CRYBG1: variants seen among roughly 807,000 people sequenced by gnomAD.
The protein encoded by CRYBG1 is beta/gamma crystallin domain-containing protein 1.
CRYBG1 carries 139 observed loss-of-function variants against 189.2 expected under a neutral mutation model. The ratio of observed to expected loss-of-function variants is 0.73; its 90% confidence interval spans 0.64 to 0.85. The LOEUF is 0.85. Ranked by LOEUF, CRYBG1 falls within the 40% of genes least tolerant of loss-of-function variation. CRYBG1 has a pLI of 0.00. For synonymous variants in CRYBG1, 1,023 were observed against 1,017.1 expected (o/e 1.01, Z -0.11); for missense variants, 2,611 against 2,675.8 (o/e 0.98, Z 0.53).
Position 106,519,162 on chromosome 6 carries a change from C to T in CRYBG1, c.1954C>T (p.Leu652Phe). ...CAAGCCCAAACATGTGGAACTAAAT[C>T]TTAAAACCCCTAAGAATCTTGACAG... ...PAKPKHVELN[L>F]KTPKNLDSLG... Residue 652 changes from leucine (L) to phenylalanine (F), a missense_variant, in exon 4 of 22, where the codon CTT (leucine) becomes TTT (phenylalanine). By Grantham distance (22) the Leu-to-Phe change is conservative (BLOSUM62 0). Coordinates refer to ENST00000633556, the MANE Select transcript of CRYBG1 (RefSeq NM_001371242.2). 6.2e-7 allele frequency: 1 copy of T among 1,613,948 alleles called. No homozygotes were observed. The highest frequency in any genetic ancestry group is 8.5e-7 in the Non-Finnish European group (1 of 1,179,974).
chr6:106,514,462 A>G (rs925579710), intron 3 of CRYBG1, among the ~76,000 whole-genome samples: 10 of 152,200 alleles, frequency 6.6e-5, no homozygotes, highest in African/African-American at 2.4e-4. Flanking sequence ...TGCGTAATGA[A>G]TAACTTGACT....
At chr6:106,526,455 CTTGAAAG>C (rs966847677) in intron 6 of CRYBG1, among the ~76,000 whole-genome samples, 41 of 152,076 alleles carry the variant, frequency 2.7e-4, no homozygotes, top group African/African-American at 9.4e-4. Context: ...GCTTCTTTTT[CTTGAAAG>C]CATAAGCATT....
intron 2 of CRYBG1, among the ~76,000 whole-genome samples, chr6:106,476,854 T>G (rs1772344325): frequency 6.6e-6 from 1 of 152,242 alleles, no homozygotes; most frequent in Non-Finnish European, 1.5e-5. Context: ...TAAAGTCATA[T>G]CTGCTCAGGT....
At chr6:106,541,679 C>A in intron 10 of CRYBG1, 58 bp downstream of exon 10, 1 of 1,121,512 alleles carries the variant, frequency 8.9e-7, no homozygotes, top group Non-Finnish European at 1.3e-6. Context: ...AACATATACA[C>A]ATATATATGT....
chr6:106,512,910 G>A lies in CRYBG1; in HGVS notation c.1793G>A (p.Arg598Gln), dbSNP rs879376875. The A allele has an allele frequency of 1.1e-5, 17 of 1,605,720 alleles. No homozygotes were observed. The highest frequency in any genetic ancestry group is 1.4e-5 in the Non-Finnish European group (16 of 1,176,430). ...RGPLPNHFNG[R>Q]AEGGRSRELG... The stretch of plus-strand genomic sequence containing the variant: ...CCGCTCCCCAACCACTTCAACGGCC[G>A]GGCAGAGGGAGGTCGAAGCAGAGAG... The change falls in exon 3 of 22, where the codon CGG becomes CAG. Residue 598 changes from arginine to glutamine, a missense_variant. Transcript: ENST00000633556.
At chr6:106,377,198 C>G (rs1770183387) in intron 1 of CRYBG1, among the ~76,000 whole-genome samples, 1 of 152,160 alleles carries the variant, frequency 6.6e-6, no homozygotes, top group Non-Finnish European at 1.5e-5. Flanking sequence ...GTTTGCCTAT[C>G]CATACATACA....
At chr6:106,531,084 C>T (rs1355822567) in intron 8 of CRYBG1, among the ~76,000 whole-genome samples, 1 of 152,132 alleles carries the variant, frequency 6.6e-6, no homozygotes, top group Non-Finnish European at 1.5e-5. Context: ...ATGGTTTATA[C>T]AGTCAAAAAA....
intron 1 of CRYBG1, among the ~76,000 whole-genome samples, chr6:106,433,041 A>G (rs1198513444): frequency 6.6e-6 from 1 of 151,796 alleles, no homozygotes; most frequent in East Asian, 1.9e-4. Context: ...GGGTTTCACG[A>G]TGTTAGTCAG....
intron 1 of CRYBG1, among the ~76,000 whole-genome samples, chr6:106,399,657 T>C (rs1198626468): frequency 8.2e-5 from 7 of 85,018 alleles, no homozygotes; most frequent in Admixed American, 6.5e-4. Context: ...AGTTTTTCTT[T>C]CTTTTTTTTT....
At chr6:106,543,922 C>T (rs1350903867) in intron 11 of CRYBG1, among the ~76,000 whole-genome samples, 2 of 152,326 alleles carry the variant, frequency 1.3e-5, no homozygotes, top group East Asian at 1.9e-4. Context: ...CGTGGTGTCA[C>T]ATGCCTGTGA....
chr6:106,505,383 C>T (rs527538737), intron 2 of CRYBG1, among the ~76,000 whole-genome samples: 3 of 152,186 alleles, frequency 2.0e-5, no homozygotes, highest in African/African-American at 7.2e-5. Flanking sequence ...CATGAGCCAC[C>T]GCACCCGGCC....
chr6:106,481,584 C>G (rs1040335855), intron 2 of CRYBG1, among the ~76,000 whole-genome samples: 4 of 152,194 alleles, frequency 2.6e-5, no homozygotes, highest in Non-Finnish European at 5.9e-5. Context: ...TCCCTCTCCA[C>G]CCTTCTGCAT....
At chr6:106,418,683 AAGCATTGT>A (rs1281963494) in intron 1 of CRYBG1, among the ~76,000 whole-genome samples, 3 of 152,222 alleles carry the variant, frequency 2.0e-5, no homozygotes, top group Non-Finnish European at 4.4e-5. Flanking sequence ...TGTATAGAGT[AAGCATTGT>A]ACCATTGAAG....
At chr6:106,522,554 GGT>G (rs1773634216) in intron 4 of CRYBG1, among the ~76,000 whole-genome samples, 1 of 152,150 alleles carries the variant, frequency 6.6e-6, no homozygotes, top group Non-Finnish European at 1.5e-5. Context: ...GCTTATTTAA[GGT>G]GAGAAAGGAC....
At chr6:106,464,591 T>C (rs1011614551) in intron 2 of CRYBG1, among the ~76,000 whole-genome samples, 7 of 152,094 alleles carry the variant, frequency 4.6e-5, no homozygotes, top group Non-Finnish European at 8.8e-5. Flanking sequence ...TTCATTAGAA[T>C]CTTAAAATGA....
intron 8 of CRYBG1, among the ~76,000 whole-genome samples, chr6:106,538,150 G>A (rs929253173): frequency 1.4e-5 from 2 of 138,056 alleles, no homozygotes; most frequent in East Asian, 1.9e-4. Context: ...TCACTAAGAA[G>A]TCTATGTTTG....
intron 2 of CRYBG1, among the ~76,000 whole-genome samples, chr6:106,496,495 T>C (rs1369363726): frequency 6.7e-6 from 1 of 149,860 alleles, no homozygotes; most frequent in Non-Finnish European, 1.5e-5. Flanking sequence ...AAAACCTTTT[T>C]TGAAACAATT....
intron 1 of CRYBG1, among the ~76,000 whole-genome samples, chr6:106,446,079 T>G (rs1211858462): frequency 6.6e-6 from 1 of 152,202 alleles, no homozygotes; most frequent in African/African-American, 2.4e-5. Flanking sequence ...TGCAATAAAG[T>G]GACTGAACCA....
rs202234180 is a variant in CRYBG1 at position 106,460,826 on chromosome 6, GC to G, written c.312+8997del. 2.0e-4 allele frequency among the ~76,000 whole-genome samples: 30 copies of G among 152,238 alleles called. No individual in the cohort carries two copies. The East Asian group carries it at 4.0e-3, about 21-fold the overall frequency. ...TTTCTTGAGACAGTCTCACTCTGTT[GC>G]CCAGGCTGGATTGCAGAGGCTAGGT... On this transcript the variant is annotated intron_variant, in intron 2 of 21. Transcript: ENST00000633556.
Sources: allele counts gnomAD v4.1 joint callset (sites outside exome capture counted in the v4.1 genomes callset), GRCh38; gene constraint gnomAD v4.1.1; transcripts MANE v1.5; gene names NCBI Gene and HGNC (gene_info 2026-07-23, HGNC 2026-07-21).